The following GPRIN2 variants were observed in gnomAD, a reference collection of about 807,000 sequenced individuals.
The protein encoded by GPRIN2 is G protein-regulated inducer of neurite outgrowth 2.
GPRIN2 carries 1 observed loss-of-function variant against 0.3 expected under a neutral mutation model. That is an observed-to-expected ratio of 3.90 (90% CI 1.39 to 18.51). The LOEUF is 18.51. Ranked by LOEUF, GPRIN2 falls within the 30% of genes most tolerant of loss-of-function variation. The pLI is 0.11. For synonymous variants in GPRIN2, 361 were observed against 258.6 expected, an observed-to-expected ratio of 1.40 and a Z score of -3.80; for missense variants, 880 against 604.2, an observed-to-expected ratio of 1.46 and a Z score of -4.79.
At position 46,549,371 on chromosome 10, in the gene GPRIN2, C is replaced by T; in HGVS notation, c.1366G>A (p.Ala456Thr). 6.8e-7 allele frequency: 1 copy of T among 1,477,774 alleles called. No individual in the cohort carries two copies. Among genetic ancestry groups the T allele is most frequent in the Non-Finnish European group, 9.0e-7 (1 of 1,116,502 alleles). The allele number at this position is 1,477,774 out of a possible 1,614,324, so 91.5% of individuals were successfully genotyped here. ...AGGGCCACAGCTCCTCACTCGGGGG[C>T]CGCGCCGGAGCAGCCGCAGCAGCTG... is the stretch of plus-strand genomic sequence containing the variant. ...RPSCCGCSGA[A>T]PE Residue 456 changes from alanine to threonine, a missense_variant, in exon 3 of 3, where the codon GCC becomes ACC. Transcript: ENST00000374314.
rs895641984 is a variant in GPRIN2, at chr10:46,547,063, A to T, written c.*2297T>A. ...AAGTAGGTTTCACTGGTCCCAGCCAAACCCTGTGGCAGGTGGCCCTTTCTG... is the reference window on the plus strand; with the variant it reads ...AAGTAGGTTTCACTGGTCCCAGCCATACCCTGTGGCAGGTGGCCCTTTCTG... On this transcript the variant is annotated 3_prime_UTR_variant, in exon 3 of 3. Coordinates refer to ENST00000374314, the MANE Select transcript of GPRIN2 (RefSeq NM_001385282.1). 6.6e-6 allele frequency among the ~76,000 whole-genome samples: 1 copy of T among 152,304 alleles called. No individual in the cohort carries two copies. The highest frequency in any genetic ancestry group is 1.5e-5 in the Non-Finnish European group (1 of 68,058).
chr10:46,555,920 C>A (rs1831873461), intron 1 of GPRIN2, among the ~76,000 whole-genome samples: 1,543 of 151,426 alleles, frequency 0.01, no homozygotes, highest in African/African-American at 0.034. Context: ...GCCCCTGCTG[C>A]GGGGCCAAAG....
Position 46,544,358 on chromosome 10 carries a change from C to T in GPRIN2, c.*5002G>A, listed in dbSNP as rs1424848789. The stretch of plus-strand genomic sequence containing the variant: ...TCTTTTTTTGAAACAGGGTCTGGCT[C>T]CGTCATCCAGGCTGGAGCACAGTGG... On this transcript the variant is annotated 3_prime_UTR_variant, in exon 3 of 3. Coordinates refer to ENST00000374314, the MANE Select transcript of GPRIN2 (RefSeq NM_001385282.1). 4.6e-5 allele frequency among the ~76,000 whole-genome samples: 7 copies of T among 152,424 alleles called. No homozygotes were observed. Among genetic ancestry groups the T allele is most frequent in the Non-Finnish European group, 8.8e-5 (6 of 68,044 alleles).
chr10:46,552,296 G>T (rs893572410), intron 2 of GPRIN2, among the ~76,000 whole-genome samples: 1 of 152,308 alleles, frequency 6.6e-6, no homozygotes, highest in Non-Finnish European at 1.5e-5. Context: ...CCACAGCAGT[G>T]AATTAGGGAG....
In GPRIN2 at chr10:46,544,039, A is replaced by G. The variant is rs1588949982; in HGVS notation, c.*5321T>C. Among the ~76,000 whole-genome samples the G allele has an allele frequency of 6.6e-6, 1 of 152,304 alleles. No individual in the cohort carries two copies. The highest frequency in any genetic ancestry group is 1.9e-4 in the East Asian group (1 of 5,206). ...ATTCCCGTGTAGCCACAGCAACAGA[A>G]CTGGCCCCATGTCTCTCAATCAGGG... On this transcript the variant is annotated 3_prime_UTR_variant, in exon 3 of 3. Transcript: ENST00000374314.
Position 46,546,893 on chromosome 10 carries a change from CGAT to C in GPRIN2, c.*2464_*2466del, listed in dbSNP as rs1415790597. ...GCTCTGCAAATACTCATCTCAGTGA[CGAT>C]GAGGTGAGTGGGAGCTTGGCTGAGC... On this transcript the variant is annotated 3_prime_UTR_variant, in exon 3 of 3. Transcript: ENST00000374314. 1.9e-4 allele frequency among the ~76,000 whole-genome samples: 29 copies of C among 152,258 alleles called. No homozygotes were observed. Among genetic ancestry groups the C allele is most frequent in the Non-Finnish European group, 3.8e-4 (26 of 68,042 alleles).
At position 46,544,317 on chromosome 10, in the gene GPRIN2, T is replaced by C. The variant is rs1396476756; in HGVS notation, c.*5043A>G. ...AAGGGCAAGAAGGTAGAGTCCATAC[T>C]TCTTTCTTGTCTTTTTCTTTTTTTG... On this transcript the variant is annotated 3_prime_UTR_variant, in exon 3 of 3. Coordinates refer to ENST00000374314, the MANE Select transcript of GPRIN2 (RefSeq NM_001385282.1). Among the ~76,000 whole-genome samples, 1 of 152,306 alleles carries C rather than the reference T, an allele frequency of 6.6e-6. No homozygotes were observed. The highest frequency in any genetic ancestry group is 6.5e-5 in the Admixed American group (1 of 15,292).
Position 46,546,521 on chromosome 10 carries a change from AC to A in GPRIN2, c.*2838del, listed in dbSNP as rs1464280294. 2.6e-5 allele frequency among the ~76,000 whole-genome samples: 4 copies of A among 152,298 alleles called. No homozygotes were observed. The highest frequency in any genetic ancestry group is 5.9e-5 in the Non-Finnish European group (4 of 68,052). ...GTATCTGTTTTGAATTCAAAGCCAA[AC>A]AAACACATCAACAGTGAACTCCAAC... On this transcript the variant is annotated 3_prime_UTR_variant, in exon 3 of 3. Transcript: ENST00000374314.
chr10:46,548,574 A>G lies in GPRIN2; in HGVS notation c.*786T>C, dbSNP rs1262859165. ...CTGGCAGCCCTCCGTAATGGTCAGC[A>G]TCCTCCCCTGCCATCCCCAACCCAC... On this transcript the variant is annotated 3_prime_UTR_variant, in exon 3 of 3. Transcript: ENST00000374314. Among the ~76,000 whole-genome samples the G allele has an allele frequency of 6.6e-6, 1 of 152,308 alleles. No homozygotes were observed. Among genetic ancestry groups the G allele is most frequent in the Non-Finnish European group, 1.5e-5 (1 of 68,054 alleles).
At position 46,549,620 on chromosome 10, in the gene GPRIN2, C is replaced by T. The variant is rs1381620495; in HGVS notation, c.1117G>A (p.Glu373Lys). 1.2e-6 allele frequency: 2 copies of T among 1,614,254 alleles called. No homozygotes were observed. Among genetic ancestry groups the T allele is most frequent in the Non-Finnish European group, 1.7e-6 (2 of 1,180,008 alleles). The change falls in exon 3 of 3, where the codon GAG becomes AAG. Residue 373 changes from glutamate (E) to lysine (K), a missense_variant. Physicochemically the swap from Glu to Lys is moderately conservative, Grantham distance 56 (BLOSUM62 1). Transcript: ENST00000374314. Reference protein sequence around the residue: ...FPEVTLGSSLEEVPSPVRDVR... With the variant: ...FPEVTLGSSLKEVPSPVRDVR... ...TCCCGCACAGGGGACGGCACCTCCT[C>T]CAGGCTGGACCCCAGAGTTACCTCT...
At position 46,548,922 on chromosome 10, in the gene GPRIN2, G is replaced by A. The variant is rs557006199; in HGVS notation, c.*438C>T. 2 of 191,856 alleles carry A rather than the reference G, an allele frequency of 1.0e-5. No homozygotes were observed. The highest frequency in any genetic ancestry group is 2.1e-5 in the Non-Finnish European group (2 of 95,204). 11.9% of individuals were successfully genotyped at this position (191,856 alleles called of 1,614,324 possible). ...GATAACATCAGTCCCCTTCCCTAAAGACCTGGGCAGTCCCTGTCACTGGGG... is the reference window on the plus strand; with the variant it reads ...GATAACATCAGTCCCCTTCCCTAAAAACCTGGGCAGTCCCTGTCACTGGGG... On this transcript the variant is annotated 3_prime_UTR_variant, in exon 3 of 3. Transcript: ENST00000374314.
At position 46,544,389 on chromosome 10, in the gene GPRIN2, T is replaced by C. The variant is rs1055279092; in HGVS notation, c.*4971A>G. Among the ~76,000 whole-genome samples the C allele has an allele frequency of 6.6e-6, 1 of 152,308 alleles. No homozygotes were observed. The highest frequency in any genetic ancestry group is 1.5e-5 in the Non-Finnish European group (1 of 68,056). Reference sequence around the variant, plus strand: ...TCCAGGCTGGAGCACAGTGGCACTATCTCGGCTCACTGCAACCTCCACCTC... The same window carrying C: ...TCCAGGCTGGAGCACAGTGGCACTACCTCGGCTCACTGCAACCTCCACCTC... On this transcript the variant is annotated 3_prime_UTR_variant, in exon 3 of 3. Coordinates refer to ENST00000374314, the MANE Select transcript of GPRIN2 (RefSeq NM_001385282.1).
chr10:46,551,395 C>T (rs1842592681), intron 2 of GPRIN2: 1 of 984,802 alleles, frequency 1.0e-6, no homozygotes, highest in Non-Finnish European at 1.2e-6. Flanking sequence ...TGGCATGTCT[C>T]TGGGGTTCCC....
At position 46,545,977 on chromosome 10, in the gene GPRIN2, C is replaced by T. The variant is rs2133185967; in HGVS notation, c.*3383G>A. Among the ~76,000 whole-genome samples the T allele has an allele frequency of 6.6e-6, 1 of 152,428 alleles. No individual in the cohort carries two copies. Among genetic ancestry groups the T allele is most frequent in the South Asian group, 2.1e-4 (1 of 4,834 alleles). On this transcript the variant is annotated 3_prime_UTR_variant, in exon 3 of 3. Coordinates refer to ENST00000374314, the MANE Select transcript of GPRIN2 (RefSeq NM_001385282.1). ...AGCCCACTAAGCTACGGTGGCCAACCCCAGCCCAAAGTGTTGGGACCTGCG... is the reference window on the plus strand; with the variant it reads ...AGCCCACTAAGCTACGGTGGCCAACTCCAGCCCAAAGTGTTGGGACCTGCG...
In GPRIN2 at chr10:46,545,307, C is replaced by G. The variant is rs1446843947; in HGVS notation, c.*4053G>C. Among the ~76,000 whole-genome samples the G allele has an allele frequency of 6.6e-6, 1 of 152,298 alleles. No individual in the cohort carries two copies. Among genetic ancestry groups the G allele is most frequent in the Non-Finnish European group, 1.5e-5 (1 of 68,056 alleles). On this transcript the variant is annotated 3_prime_UTR_variant, in exon 3 of 3. Coordinates refer to ENST00000374314, the MANE Select transcript of GPRIN2 (RefSeq NM_001385282.1). ...TCCTAGAGCTTCCTAGCCTGCCTGC[C>G]AGAGAGCAGAAGTGCCTGGAGGCTA...
chr10:46,549,856 G>GAACCC lies in GPRIN2; in HGVS notation c.880_881insGGGTT (p.Ala294GlyfsTer11). The GAACCC allele has an allele frequency of 6.2e-7, 1 of 1,614,250 alleles. No homozygotes were observed. Among genetic ancestry groups the GAACCC allele is most frequent in the Non-Finnish European group, 8.5e-7 (1 of 1,180,050 alleles). On this transcript the variant is annotated frameshift_variant, in exon 3 of 3. Coordinates refer to ENST00000374314, the MANE Select transcript of GPRIN2 (RefSeq NM_001385282.1). LOFTEE classifies it low-confidence loss of function (END_TRUNC). ...TAACCCAGCGGGACCCCAAAGGTGGGCACAGCAATGGGAATGCCCAGGGAG... is the reference window on the plus strand; with the variant it reads ...TAACCCAGCGGGACCCCAAAGGTGGGAACCCCACAGCAATGGGAATGCCCAGGGAG...
Position 46,550,598 on chromosome 10 carries a change from C to A in GPRIN2, c.139G>T (p.Val47Leu), listed in dbSNP as rs1832310414. Residue 47 changes from valine to leucine, a missense_variant, in exon 3 of 3, where the codon GTG (valine) becomes TTG (leucine). By Grantham distance (32) the Val-to-Leu change is conservative. Transcript: ENST00000374314. ...PELRKTASSTVWQAQLGEAST... is the reference protein window; with the variant it reads ...PELRKTASSTLWQAQLGEAST... ...GCCTCGCCCAGCTGGGCCTGCCACA[C>A]GGTGCTGCTGGCAGTCTTGCGGAGC... The A allele has an allele frequency of 1.9e-6, 3 of 1,582,462 alleles. No homozygotes were observed. Among genetic ancestry groups the A allele is most frequent in the Non-Finnish European group, 2.6e-6 (3 of 1,165,300 alleles).
intron 1 of GPRIN2, among the ~76,000 whole-genome samples, chr10:46,555,777 C>T (rs1480660352): frequency 1.3e-5 from 2 of 152,308 alleles, no homozygotes; most frequent in Non-Finnish European, 2.9e-5. Context: ...GTGCCCCGGC[C>T]TAGAAGCAGC....
Position 46,547,252 on chromosome 10 carries a change from C to A in GPRIN2, c.*2108G>T, listed in dbSNP as rs897689056. 2.0e-5 allele frequency among the ~76,000 whole-genome samples: 3 copies of A among 152,310 alleles called. No individual in the cohort carries two copies. The highest frequency in any genetic ancestry group is 4.4e-5 in the Non-Finnish European group (3 of 68,058). On this transcript the variant is annotated 3_prime_UTR_variant, in exon 3 of 3. Coordinates refer to ENST00000374314, the MANE Select transcript of GPRIN2 (RefSeq NM_001385282.1). The stretch of plus-strand genomic sequence containing the variant: ...GCACGTGTATGAACCCAGCCCCCAG[C>A]TGCCCACTCCATTGCCCCTAAACAG...
Sources: allele counts gnomAD v4.1 joint callset (sites outside exome capture counted in the v4.1 genomes callset), GRCh38; gene constraint gnomAD v4.1.1; transcripts MANE v1.5; gene names NCBI Gene and HGNC (gene_info 2026-07-23, HGNC 2026-07-21).